Variants in SPTLC3 observed in about 807,000 individuals in gnomAD.
The protein encoded by SPTLC3 is serine palmitoyltransferase 3.
SPTLC3 carries 36 observed loss-of-function variants against 59.3 expected under a neutral mutation model. That is an observed-to-expected ratio of 0.61 (90% confidence interval 0.47 to 0.80). SPTLC3 has a LOEUF of 0.80. Among genes scored for constraint, SPTLC3 ranks in the 30% least tolerant of loss-of-function variants. SPTLC3 has a pLI of 0.00. For missense variants in SPTLC3, 625 were observed against 685.1 expected (o/e 0.91, Z 0.98); for synonymous variants, 257 against 240.8 (o/e 1.07, Z -0.62).
chr20:13,078,717 T>G (rs576016642), intron 4 of SPTLC3, among the ~76,000 whole-genome samples: 1 of 151,776 alleles, frequency 6.6e-6, no homozygotes. Flanking sequence ...TATTTGTAGA[T>G]GAGTTTATTG....
At chr20:13,092,872 A>G (rs142127573) in intron 5 of SPTLC3, among the ~76,000 whole-genome samples, 1 of 152,290 alleles carries the variant, frequency 6.6e-6, no homozygotes, top group African/African-American at 2.4e-5. Context: ...GTTTAGTTTA[A>G]AAAGAAGAAT....
At chr20:13,016,279 T>C (rs1985525646) in intron 1 of SPTLC3, among the ~76,000 whole-genome samples, 1 of 152,186 alleles carries the variant, frequency 6.6e-6, no homozygotes, top group African/African-American at 2.4e-5. Flanking sequence ...TTGTGTGCAT[T>C]AAGTGCAAAG....
At chr20:13,038,433 G>C (rs908744697) in intron 1 of SPTLC3, among the ~76,000 whole-genome samples, 3 of 152,028 alleles carry the variant, frequency 2.0e-5, no homozygotes, top group African/African-American at 7.2e-5. Context: ...CTTTCTTAGA[G>C]TGTCCATTTC....
chr20:13,108,984 A>T (rs1176262029), intron 6 of SPTLC3, among the ~76,000 whole-genome samples: 1 of 152,214 alleles, frequency 6.6e-6, no homozygotes, highest in East Asian at 1.9e-4. Context: ...AAGCTTAGGA[A>T]ATGCAAAAAA....
chr20:13,096,688 T>G (rs1032950941), intron 6 of SPTLC3, among the ~76,000 whole-genome samples: 1 of 152,132 alleles, frequency 6.6e-6, no homozygotes, highest in African/African-American at 2.4e-5. Context: ...TCTGGGGCAA[T>G]CTTTTGATGG....
At chr20:13,096,444 T>TAAA (rs36093957) in intron 6 of SPTLC3, among the ~76,000 whole-genome samples, 1 of 144,996 alleles carries the variant, frequency 6.9e-6, no homozygotes, top group African/African-American at 2.5e-5. Context: ...ACTCCACAAT[T>TAAA]AAAAAAAAAA....
intron 11 of SPTLC3, among the ~76,000 whole-genome samples, chr20:13,163,882 A>G (rs1195646835): frequency 6.6e-6 from 1 of 152,208 alleles, no homozygotes; most frequent in African/African-American, 2.4e-5. Context: ...GTGATATACT[A>G]GAATTGAAAA....
At position 13,072,304 on chromosome 20, in the gene SPTLC3, C is replaced by T. The variant is rs751540948; in HGVS notation, c.352C>T (p.Leu118Phe). Residue 118 changes from leucine to phenylalanine, a missense_variant, in exon 3 of 12, where the codon CTT (leucine) becomes TTT (phenylalanine). Leu to Phe is a conservative substitution (Grantham distance 22). Transcript: ENST00000399002. ...QDFENFYTRNLYMRIRDNWNR... is the reference protein window; with the variant it reads ...QDFENFYTRNFYMRIRDNWNR... Reference sequence around the variant, plus strand: ...CTTTGAAAATTTTTATACAAGAAACCTTTACATGCGAATCAGAGACAACTG... The same window carrying T: ...CTTTGAAAATTTTTATACAAGAAACTTTTACATGCGAATCAGAGACAACTG... 1.2e-6 allele frequency: 2 copies of T among 1,613,798 alleles called. No individual in the cohort carries two copies. Among genetic ancestry groups the T allele is most frequent in the Non-Finnish European group, 1.7e-6 (2 of 1,179,866 alleles).
chr20:13,073,890 T>C, intron 3 of SPTLC3: 1 of 551,266 alleles, frequency 1.8e-6, no homozygotes. Context: ...AGGACGGTCC[T>C]GTTTGTTGGT....
intron 1 of SPTLC3, among the ~76,000 whole-genome samples, chr20:13,013,486 T>G (rs1985362130): frequency 6.6e-6 from 1 of 152,218 alleles, no homozygotes; most frequent in African/African-American, 2.4e-5. Flanking sequence ...TTTCAACTGC[T>G]CTGAGTCTTC....
At chr20:13,109,693 G>A (rs973466444) in intron 6 of SPTLC3, among the ~76,000 whole-genome samples, 6 of 152,202 alleles carry the variant, frequency 3.9e-5, no homozygotes, top group African/African-American at 7.2e-5. Context: ...AGTGAGATCC[G>A]TGCAAACTCA....
chr20:13,026,220 T>A (rs750959605), intron 1 of SPTLC3, among the ~76,000 whole-genome samples: 1 of 152,338 alleles, frequency 6.6e-6, no homozygotes, highest in Non-Finnish European at 1.5e-5. Context: ...GTAGAACAAT[T>A]TATATCCCTT....
At chr20:13,164,340 T>C (rs748613215) in intron 11 of SPTLC3, 4 of 472,002 alleles carry the variant, frequency 8.5e-6, no homozygotes, top group South Asian at 6.2e-5. Flanking sequence ...GCAACATTCC[T>C]CTTTGTTCTT....
rs895727989 is a variant in SPTLC3, at chr20:13,073,740, G to T, written c.459-609G>T. 8 of 531,004 alleles carry T rather than the reference G, an allele frequency of 1.5e-5. No homozygotes were observed. In the African/African-American group the frequency reaches 1.6e-4, roughly 10 times the overall value. The allele number at this position is 531,004 out of a possible 1,614,324, so 32.9% of individuals were successfully genotyped here. ...TGAGTTGACGCCTGAACTGCCAACAGTATCCATTATTCCAGACACGGTCCA... is the reference window on the plus strand; with the variant it reads ...TGAGTTGACGCCTGAACTGCCAACATTATCCATTATTCCAGACACGGTCCA... On this transcript the variant is annotated intron_variant, in intron 3 of 11. Transcript: ENST00000399002.
intron 1 of SPTLC3, among the ~76,000 whole-genome samples, chr20:13,017,227 C>A (rs1445482572): frequency 6.6e-6 from 1 of 152,110 alleles, no homozygotes; most frequent in Non-Finnish European, 1.5e-5. Context: ...CAAATGACAC[C>A]AAACTGTCAT....
intron 9 of SPTLC3, among the ~76,000 whole-genome samples, chr20:13,146,275 G>T (rs1269957416): frequency 6.6e-6 from 1 of 152,144 alleles, no homozygotes; most frequent in East Asian, 1.9e-4. Context: ...GGATCTGCTT[G>T]AGGGAGGAGG....
At chr20:13,090,917 A>G (rs1600269466) in intron 4 of SPTLC3, among the ~76,000 whole-genome samples, 166 bp from the exon 5 acceptor site, 1 of 152,140 alleles carries the variant, frequency 6.6e-6, no homozygotes, top group Admixed American at 6.5e-5. Flanking sequence ...CCATTCTACA[A>G]TAGTTGAATA....
At chr20:13,091,230 T>A (rs1173960158) in intron 5 of SPTLC3, 23 bp downstream of exon 5, 2 of 1,610,508 alleles carry the variant, frequency 1.2e-6, no homozygotes, top group African/African-American at 2.7e-5. Flanking sequence ...AACCTAATTG[T>A]CTTCTACTGT....
intron 2 of SPTLC3, among the ~76,000 whole-genome samples, chr20:13,071,582 C>T (rs749369048): frequency 4.6e-5 from 7 of 152,082 alleles, no homozygotes; most frequent in East Asian, 1.9e-4. Context: ...ATCAAATGAG[C>T]GCCGGCAATG....
Sources: allele counts gnomAD v4.1 joint callset (sites outside exome capture counted in the v4.1 genomes callset), GRCh38; gene constraint gnomAD v4.1.1; transcripts MANE v1.5; gene names NCBI Gene and HGNC (gene_info 2026-07-23, HGNC 2026-07-21).